The following REV3L variants were observed in gnomAD, a reference collection of about 807,000 sequenced individuals.
REV3L encodes the protein DNA polymerase zeta catalytic subunit.
A neutral mutation model predicts 299.4 loss-of-function variants in REV3L; 69 were observed. That is an observed-to-expected ratio of 0.23 (90% CI 0.19 to 0.28). The LOEUF is 0.28. Among genes scored for constraint, REV3L ranks in the 10% least tolerant of loss-of-function variants. The probability of loss-of-function intolerance (pLI) is 1.00; values close to 1 mark genes in which losing one functional copy is unlikely to be tolerated. For synonymous variants in REV3L, 1,238 were observed against 1,271.4 expected (o/e 0.97, Z 0.56); for missense variants, 3,128 against 3,693.8 (o/e 0.85, Z 3.97).
chr6:111,471,681 T>TAATAAC (rs1231069107), intron 1 of REV3L, among the ~76,000 whole-genome samples: 8 of 152,196 alleles, frequency 5.3e-5, no homozygotes, highest in Admixed American at 2.6e-4. Context: ...AACATAAGTA[T>TAATAAC]AATAACTTGC....
At chr6:111,456,074 T>C (rs1790123938) in intron 1 of REV3L, among the ~76,000 whole-genome samples, 1 of 152,248 alleles carries the variant, frequency 6.6e-6, no homozygotes, top group African/African-American at 2.4e-5. Context: ...TTTTTATTTA[T>C]ACATATTTTT....
intron 25 of REV3L, 77 bp downstream of exon 25, chr6:111,329,455 G>T: frequency 1.5e-6 from 2 of 1,351,600 alleles, no homozygotes; most frequent in South Asian, 1.2e-5. Context: ...CAAAGTAACT[G>T]GGAATACAGG....
intron 26 of REV3L, among the ~76,000 whole-genome samples, chr6:111,320,747 A>C (rs1774074738): frequency 6.6e-6 from 1 of 152,114 alleles, no homozygotes; most frequent in Admixed American, 6.6e-5. Context: ...TCCTGGGTTC[A>C]AGCGATCTTC....
At chr6:111,431,431 C>A in intron 1 of REV3L, 1 of 1,019,396 alleles carries the variant, frequency 9.8e-7, no homozygotes, top group Non-Finnish European at 1.6e-6. Flanking sequence ...GTTTTTGATT[C>A]TGAGGAAGCT....
At chr6:111,431,802 T>C in intron 1 of REV3L, 2 of 692,072 alleles carry the variant, frequency 2.9e-6, no homozygotes, top group Non-Finnish European at 2.7e-6. Flanking sequence ...TGTATTTGAT[T>C]ATATATTATG....
intron 1 of REV3L, among the ~76,000 whole-genome samples, chr6:111,471,751 A>C (rs1315056626): frequency 1.3e-5 from 2 of 152,190 alleles, no homozygotes; most frequent in African/African-American, 4.8e-5. Flanking sequence ...GGGCCCATGA[A>C]GGTAGTGCCA....
chr6:111,431,889 A>G, intron 1 of REV3L: 1 of 408,566 alleles, frequency 2.4e-6, no homozygotes, highest in South Asian at 4.1e-5. Context: ...TTTTAATTAA[A>G]CTTTGCAACA....
intron 1 of REV3L, among the ~76,000 whole-genome samples, chr6:111,464,782 T>C (rs528568907): frequency 6.6e-6 from 1 of 152,180 alleles, no homozygotes; most frequent in East Asian, 1.9e-4. Context: ...CAGGTGGACT[T>C]CCTGAGCTCA....
chr6:111,340,689 A>G (rs547090566), intron 21 of REV3L, among the ~76,000 whole-genome samples: 2 of 152,284 alleles, frequency 1.3e-5, no homozygotes, highest in South Asian at 2.1e-4. Flanking sequence ...ATTTTTTTGT[A>G]TTCACTTAAA....
chr6:111,309,652 C>T, intron 30 of REV3L: 1 of 494,848 alleles, frequency 2.0e-6, no homozygotes, highest in Non-Finnish European at 3.5e-6. Context: ...TCACCTAGAT[C>T]TGTGGGGGTG....
At chr6:111,391,338 T>C (rs1206037712) in intron 5 of REV3L, among the ~76,000 whole-genome samples, 3 of 152,188 alleles carry the variant, frequency 2.0e-5, no homozygotes, top group Non-Finnish European at 2.9e-5. Context: ...AGTGCTGGAA[T>C]TACAGGTGTG....
chr6:111,460,233 T>G (rs1042244882), intron 1 of REV3L: 1 of 151,830 alleles, frequency 6.6e-6, no homozygotes, highest in African/African-American at 2.4e-5. Flanking sequence ...ATATGGACAT[T>G]AAGATGGGAA....
rs751706749 is a variant in REV3L at position 111,333,373 on chromosome 6, G to A, written c.7681-6C>T. The A allele has an allele frequency of 6.2e-7, 1 of 1,612,598 alleles. No homozygotes were observed. The highest frequency in any genetic ancestry group is 2.2e-5 in the East Asian group (1 of 44,830). ...ATCATTGATTCCACACGGTACTGCAGGGAGAAAGGGAGGTGAGAAGAGAAG... is the reference window on the plus strand; with the variant it reads ...ATCATTGATTCCACACGGTACTGCAAGGAGAAAGGGAGGTGAGAAGAGAAG... On this transcript the variant is annotated splice_region_variant and splice_polypyrimidine_tract_variant and intron_variant, in intron 22 of 31. Coordinates refer to ENST00000368802, the MANE Select transcript of REV3L (RefSeq NM_001372078.1).
At chr6:111,429,564 A>T (rs1270917602) in intron 1 of REV3L, among the ~76,000 whole-genome samples, 2 of 152,248 alleles carry the variant, frequency 1.3e-5, no homozygotes, top group Non-Finnish European at 2.9e-5. Flanking sequence ...CCAAAAGACA[A>T]ATCTACCAAA....
chr6:111,389,412 G>A (rs1781674396), intron 6 of REV3L, among the ~76,000 whole-genome samples: 1 of 152,146 alleles, frequency 6.6e-6, no homozygotes, highest in Non-Finnish European at 1.5e-5. Flanking sequence ...AATCCAGCAA[G>A]TGAATACAAT....
At chr6:111,390,270 C>T (rs1224564058) in intron 5 of REV3L, 90 bp from the exon 6 acceptor site, 1 of 775,670 alleles carries the variant, frequency 1.3e-6, no homozygotes, top group Non-Finnish European at 2.2e-6. Flanking sequence ...TTACATTTAG[C>T]TTGTACCCAG....
rs1392752221 is a variant in REV3L at position 111,303,170 on chromosome 6, T to C, written c.9253-3014A>G. ...ACTGAGGCTTTCTTTTCTTTCTTTT[T>C]TTTTTTTTTTTTGAGATGAGAGAGA... On this transcript the variant is annotated intron_variant, in intron 31 of 31. Transcript: ENST00000368802. 6.4e-4 allele frequency among the ~76,000 whole-genome samples: 86 copies of C among 134,920 alleles called. 3 individuals carry two copies. Among genetic ancestry groups the C allele is most frequent in the African/African-American group, 2.2e-3 (82 of 36,922 alleles). The allele number at this position is 134,920 out of a possible 152,430, so 88.5% of individuals were successfully genotyped here.
chr6:111,471,937 G>C (rs1008767218), intron 1 of REV3L: 20 of 853,336 alleles, frequency 2.3e-5, no homozygotes, highest in Non-Finnish European at 3.0e-5. Flanking sequence ...GGGTGAGTAG[G>C]ATTTACCAAC....
Position 111,349,338 on chromosome 6 carries a change from T to C in REV3L, c.7301-2A>G. On this transcript the variant is annotated splice_acceptor_variant, in intron 19 of 31. Transcript: ENST00000368802. LOFTEE classifies it high-confidence loss of function. ...CAAATCTGTTCTCAATTTTGTCATC[T>C]ATAGAAATGAAAACAGACTGTATCA... is the stretch of plus-strand genomic sequence containing the variant. 1 of 1,505,392 alleles carries C rather than the reference T, an allele frequency of 6.6e-7. No individual in the cohort carries two copies. Among genetic ancestry groups the C allele is most frequent in the Non-Finnish European group, 9.2e-7 (1 of 1,088,720 alleles). 93.3% of individuals were successfully genotyped at this position (1,505,392 alleles called of 1,614,324 possible). A position where few individuals can be genotyped will look rare whatever the true frequency, so the allele number is the denominator to read the frequency against.
Sources: gnomAD v4.1 joint callset for allele counts (sites outside exome capture counted in the v4.1 genomes callset) on GRCh38, gnomAD v4.1.1 for gene constraint, MANE v1.5 for transcripts, NCBI Gene and HGNC (gene_info 2026-07-23, HGNC 2026-07-21) for gene names.